Variants in RPH3A observed in about 807,000 individuals in gnomAD.
RPH3A encodes the protein rabphilin-3A.
RPH3A carries 48 observed loss-of-function variants against 102.2 expected under a neutral mutation model. That is an observed-to-expected ratio of 0.47 (90% confidence interval 0.37 to 0.60). The LOEUF (loss-of-function observed/expected upper bound fraction) is 0.60. Ranked by LOEUF, RPH3A falls within the 20% of genes least tolerant of loss-of-function variation. The pLI is 0.00. For missense variants in RPH3A, 781 were observed against 910.1 expected (o/e 0.86, Z 1.83); for synonymous variants, 310 against 324.3 (o/e 0.96, Z 0.47).
At chr12:112,595,878 T>C (rs1025594889) in intron 1 of RPH3A, among the ~76,000 whole-genome samples, 1 of 152,004 alleles carries the variant, frequency 6.6e-6, no homozygotes, top group South Asian at 2.1e-4. Context: ...GGAAGAAAAA[T>C]GGAAGTTCTA....
At chr12:112,875,946 G>A (rs1365299010) in intron 12 of RPH3A, among the ~76,000 whole-genome samples, 2 of 152,182 alleles carry the variant, frequency 1.3e-5, no homozygotes, top group African/African-American at 2.4e-5. Flanking sequence ...ATAGTTTAGA[G>A]CATAGACTAC....
chr12:112,741,111 A>T (rs2040705858), intron 1 of RPH3A, among the ~76,000 whole-genome samples: 1 of 152,140 alleles, frequency 6.6e-6, no homozygotes, highest in Non-Finnish European at 1.5e-5. Context: ...ACATCCCCAG[A>T]TGTTCTGGCA....
chr12:112,862,269 G>A (rs2042532423), intron 5 of RPH3A, among the ~76,000 whole-genome samples: 1 of 149,160 alleles, frequency 6.7e-6, no homozygotes, highest in African/African-American at 2.5e-5. Context: ...GCCGGGCATG[G>A]TTGTGCATGC....
intron 1 of RPH3A, among the ~76,000 whole-genome samples, chr12:112,764,793 C>A (rs1426241634): frequency 6.6e-6 from 1 of 152,070 alleles, no homozygotes; most frequent in Middle Eastern, 3.2e-3. Flanking sequence ...CTCTGTCTAC[C>A]CAGACAATTA....
At chr12:112,646,398 G>A (rs2039930832) in intron 1 of RPH3A, among the ~76,000 whole-genome samples, 2 of 152,144 alleles carry the variant, frequency 1.3e-5, no homozygotes, top group Non-Finnish European at 2.9e-5. Flanking sequence ...CCATGGAAGA[G>A]GCTCCATTTT....
chr12:112,707,393 C>A (rs1169148056), intron 1 of RPH3A, among the ~76,000 whole-genome samples: 1 of 152,202 alleles, frequency 6.6e-6, no homozygotes, highest in Non-Finnish European at 1.5e-5. Flanking sequence ...ACACCAACCC[C>A]TTTAGTTAGG....
intron 2 of RPH3A, among the ~76,000 whole-genome samples, chr12:112,822,874 AG>A (rs2041805186): frequency 6.6e-6 from 1 of 152,204 alleles, no homozygotes; most frequent in African/African-American, 2.4e-5. Flanking sequence ...TTGAACTTTC[AG>A]TTGTTGTTGT....
intron 1 of RPH3A, among the ~76,000 whole-genome samples, chr12:112,631,404 C>T (rs1246320697): frequency 2.0e-5 from 3 of 152,074 alleles, no homozygotes; most frequent in African/African-American, 4.8e-5. Flanking sequence ...CTAGCTGCAA[C>T]GGAGTTTCTG....
intron 2 of RPH3A, among the ~76,000 whole-genome samples, chr12:112,815,585 A>C (rs1049382989): frequency 7.2e-5 from 11 of 152,216 alleles, no homozygotes; most frequent in Non-Finnish European, 1.3e-4. Flanking sequence ...TCTCTGAGGC[A>C]GAGGAGGGAG....
At chr12:112,629,943 G>A (rs915772821) in intron 1 of RPH3A, among the ~76,000 whole-genome samples, 1 of 152,094 alleles carries the variant, frequency 6.6e-6, no homozygotes. Flanking sequence ...TTTAGGCTCA[G>A]AGGTGTTTGT....
rs114814379 is a variant in RPH3A, at chr12:112,724,665, A to G, written c.-139-67478A>G. On this transcript the variant is annotated intron_variant, in intron 1 of 21. Coordinates refer to the RPH3A transcript ENST00000543106. ...CACAGTGCCTGGCACATAGCAAGTA[A>G]GCAGTACATATGTTTTGATGAGGCT... Among the ~76,000 whole-genome samples, 1,457 of 152,332 alleles carry G rather than the reference A, an allele frequency of 9.6e-3. 30 individuals are homozygous for G. The highest frequency in any genetic ancestry group is 0.033 in the African/African-American group (1,378 of 41,578).
At chr12:112,888,268 T>C (rs141832372) in intron 17 of RPH3A, among the ~76,000 whole-genome samples, 29 of 152,380 alleles carry the variant, frequency 1.9e-4, no homozygotes, top group African/African-American at 6.5e-4. Flanking sequence ...CGAGCCTCGG[T>C]GTTCTTGTCT....
At chr12:112,817,212 T>C (rs1593036996) in intron 2 of RPH3A, among the ~76,000 whole-genome samples, 1 of 152,212 alleles carries the variant, frequency 6.6e-6, no homozygotes, top group Admixed American at 6.5e-5. Context: ...TCCACAGAAA[T>C]AGGGATTCAG....
chr12:112,881,505 G>A (rs915118539), intron 14 of RPH3A, among the ~76,000 whole-genome samples: 1 of 152,180 alleles, frequency 6.6e-6, no homozygotes, highest in African/African-American at 2.4e-5. Flanking sequence ...ATCCCCATTT[G>A]ACAGGTGGGG....
chr12:112,886,189 C>A (rs2043000088), intron 16 of RPH3A, among the ~76,000 whole-genome samples: 1 of 152,134 alleles, frequency 6.6e-6, no homozygotes, highest in Non-Finnish European at 1.5e-5. Flanking sequence ...CCAAGAATGC[C>A]TCCCATGCCT....
In RPH3A at chr12:112,637,291, T is replaced by C. The variant is rs148399905; in HGVS notation, c.-140+61972T>C. Among the ~76,000 whole-genome samples, 407 of 152,302 alleles carry C rather than the reference T, an allele frequency of 2.7e-3. 2 individuals carry two copies. Among genetic ancestry groups the C allele is most frequent in the African/African-American group, 9.2e-3 (384 of 41,558 alleles). Reference sequence around the variant, plus strand: ...AAATATATACTTTATGCTTTTCCTATGGGCAATGCCAAACATGTGCAAAAG... The same window carrying C: ...AAATATATACTTTATGCTTTTCCTACGGGCAATGCCAAACATGTGCAAAAG... On this transcript the variant is annotated intron_variant, in intron 1 of 21. Coordinates refer to the RPH3A transcript ENST00000543106.
At chr12:112,618,459 G>A (rs1222298383) in intron 1 of RPH3A, among the ~76,000 whole-genome samples, 5 of 152,132 alleles carry the variant, frequency 3.3e-5, no homozygotes, top group Non-Finnish European at 1.5e-5. Context: ...GCAGTTTTGG[G>A]ATCATATCTT....
chr12:112,860,459 C>T (rs1165038691), intron 5 of RPH3A, among the ~76,000 whole-genome samples: 1 of 152,112 alleles, frequency 6.6e-6, no homozygotes, highest in Non-Finnish European at 1.5e-5. Flanking sequence ...GGCCTTTTGG[C>T]GTCCAGGAGT....
chr12:112,725,945 G>A (rs546109783), intron 1 of RPH3A, among the ~76,000 whole-genome samples: 29 of 152,088 alleles, frequency 1.9e-4, no homozygotes, highest in African/African-American at 5.8e-4. Flanking sequence ...ACAGGCACCC[G>A]CCACCACGCC....
Sources: allele counts gnomAD v4.1 joint callset (sites outside exome capture counted in the v4.1 genomes callset), GRCh38; gene constraint gnomAD v4.1.1; transcripts MANE v1.5; gene names NCBI Gene and HGNC (gene_info 2026-07-23, HGNC 2026-07-21).